TP63: variants seen among roughly 807,000 people sequenced by gnomAD.
TP63 encodes the protein tumor protein 63.
A neutral mutation model predicts 82.8 loss-of-function variants in TP63; 17 were observed. The observed-to-expected ratio is 0.21, with a 90% CI of 0.14 to 0.31. TP63 has a LOEUF of 0.31. Ranked by LOEUF, TP63 falls within the 10% of genes least tolerant of loss-of-function variation. The pLI is 1.00. For missense variants in TP63, 648 were observed against 895.3 expected (o/e 0.72, Z 3.52); for synonymous variants, 330 against 321.7 (o/e 1.03, Z -0.28).
chr3:189,821,889 A>C (rs960974962), intron 4 of TP63, among the ~76,000 whole-genome samples: 2 of 152,222 alleles, frequency 1.3e-5, no homozygotes, highest in Non-Finnish European at 2.9e-5. Context: ...TATAAGATGA[A>C]GATTACAAAT....
At chr3:189,648,100 A>G (rs904830053) in intron 1 of TP63, among the ~76,000 whole-genome samples, 4 of 147,246 alleles carry the variant, frequency 2.7e-5, no homozygotes, top group Middle Eastern at 3.2e-3. Flanking sequence ...AAGAAAGCAT[A>G]TTTATAATAT....
chr3:189,707,237 A>G (rs1010553631), intron 1 of TP63, among the ~76,000 whole-genome samples: 1 of 152,236 alleles, frequency 6.6e-6, no homozygotes, highest in African/African-American at 2.4e-5. Flanking sequence ...AAATCTTGCT[A>G]AATGCTTGCA....
At chr3:189,820,408 T>G (rs73199730) in intron 4 of TP63, among the ~76,000 whole-genome samples, 20,371 of 152,266 alleles carry the variant, frequency 0.13, 1,478 homozygotes, top group Middle Eastern at 0.2. Flanking sequence ...ATGTTTCTCC[T>G]TGCACAAGCA....
intron 1 of TP63, among the ~76,000 whole-genome samples, chr3:189,723,242 G>A (rs1719525635): frequency 6.6e-6 from 1 of 152,154 alleles, no homozygotes; most frequent in African/African-American, 2.4e-5. Context: ...GGTTAGAGAG[G>A]TTGCATAGCT....
chr3:189,640,557 C>A (rs1441626631), intron 1 of TP63, among the ~76,000 whole-genome samples: 1 of 152,044 alleles, frequency 6.6e-6, no homozygotes, highest in Admixed American at 6.5e-5. Context: ...TCATTTTTTT[C>A]TTGCTGAACA....
chr3:189,813,470 G>A (rs948445370), intron 4 of TP63, among the ~76,000 whole-genome samples: 1 of 152,124 alleles, frequency 6.6e-6, no homozygotes, highest in African/African-American at 2.4e-5. Context: ...AGGCTTCTTG[G>A]TGAACATAGT....
chr3:189,855,700 A>ATGTG (rs527770984), intron 4 of TP63, among the ~76,000 whole-genome samples: 1 of 151,508 alleles, frequency 6.6e-6, no homozygotes, highest in South Asian at 2.1e-4. Flanking sequence ...GTGTGTATAT[A>ATGTG]TGTGTGTGTG....
intron 3 of TP63, among the ~76,000 whole-genome samples, chr3:189,784,664 G>T (rs897312249): frequency 1.3e-5 from 2 of 152,002 alleles, no homozygotes; most frequent in Non-Finnish European, 2.9e-5. Context: ...GAATACAACT[G>T]TAAGATTTAC....
intron 1 of TP63, among the ~76,000 whole-genome samples, chr3:189,661,970 A>G (rs1336969301): frequency 6.6e-6 from 1 of 151,668 alleles, no homozygotes; most frequent in African/African-American, 2.4e-5. Context: ...TTCTTTGTTA[A>G]TCTAGCTAGA....
intron 8 of TP63, among the ~76,000 whole-genome samples, 153 bp from the exon 9 acceptor site, chr3:189,869,171 G>A (rs1718099897): frequency 6.6e-6 from 1 of 152,152 alleles, no homozygotes; most frequent in Admixed American, 6.5e-5. Flanking sequence ...TAGGGCTAGA[G>A]CCTCTAATCT....
At chr3:189,682,022 C>T (rs566646583) in intron 1 of TP63, among the ~76,000 whole-genome samples, 1 of 152,282 alleles carries the variant, frequency 6.6e-6, no homozygotes, top group East Asian at 1.9e-4. Flanking sequence ...CACCTGAGAA[C>T]AGGAGTCCGA....
At chr3:189,598,681 G>A in the TP63 span, among the ~76,000 whole-genome samples, 1 of 152,250 alleles carries the variant, frequency 6.6e-6, no homozygotes, top group South Asian at 2.1e-4. Context: ...TGTCCAGTGA[G>A]AACCAGAGGG....
intron 10 of TP63, among the ~76,000 whole-genome samples, chr3:189,874,728 A>G (rs1246887270): frequency 6.6e-6 from 1 of 152,204 alleles, no homozygotes; most frequent in Admixed American, 6.5e-5. Context: ...ATATACTAAC[A>G]TATTTAAGTG....
intron 1 of TP63, among the ~76,000 whole-genome samples, chr3:189,669,665 G>T (rs953078987): frequency 2.0e-5 from 3 of 152,026 alleles, no homozygotes; most frequent in Non-Finnish European, 4.4e-5. Flanking sequence ...TTTGGAAAAT[G>T]GGCTCTGAGG....
chr3:189,632,715 G>T (rs1463213623), intron 1 of TP63, among the ~76,000 whole-genome samples: 2 of 152,116 alleles, frequency 1.3e-5, no homozygotes, highest in Non-Finnish European at 2.9e-5. Flanking sequence ...CTTGATTCGT[G>T]TCTTGCTGTT....
At chr3:189,619,283 C>T in the TP63 span, among the ~76,000 whole-genome samples, 3 of 152,152 alleles carry the variant, frequency 2.0e-5, no homozygotes, top group African/African-American at 7.2e-5. Context: ...AATGCCTCTG[C>T]GATGTCTTTC....
At chr3:189,720,464 C>A (rs1719295623) in intron 1 of TP63, among the ~76,000 whole-genome samples, 1 of 152,046 alleles carries the variant, frequency 6.6e-6, no homozygotes, top group Non-Finnish European at 1.5e-5. Context: ...GCATCTCTTC[C>A]ATTAAAGAAG....
intron 1 of TP63, among the ~76,000 whole-genome samples, chr3:189,719,602 C>T (rs779020755): frequency 7.2e-5 from 11 of 152,250 alleles, no homozygotes; most frequent in African/African-American, 1.9e-4. Context: ...GCAGGCCATG[C>T]GGTCTCTGTC....
At chr3:189,888,436 T>TA (rs1460051608) in intron 11 of TP63, among the ~76,000 whole-genome samples, 1 of 152,218 alleles carries the variant, frequency 6.6e-6, no homozygotes, top group African/African-American at 2.4e-5. Flanking sequence ...TTGTATAACT[T>TA]ACAGTTTGCC....
Sources: allele counts gnomAD v4.1 joint callset (sites outside exome capture counted in the v4.1 genomes callset), GRCh38; gene constraint gnomAD v4.1.1; transcripts MANE v1.5; gene names NCBI Gene and HGNC (gene_info 2026-07-23, HGNC 2026-07-21).